Variants in DPP10 observed in about 807,000 individuals in gnomAD.
DPP10 encodes the protein dipeptidyl peptidase like 10.
In DPP10, 33 loss-of-function variants were observed where a neutral mutation model predicts 120.9. That is an observed-to-expected ratio of 0.27 (90% CI 0.21 to 0.37). The LOEUF (loss-of-function observed/expected upper bound fraction) is 0.37, where lower values mean the gene tolerates loss of function less well. Ranked by LOEUF, DPP10 falls within the 10% of genes least tolerant of loss-of-function variation. The probability of loss-of-function intolerance (pLI) is 1.00; values close to 1 mark genes in which losing one functional copy is unlikely to be tolerated. For missense variants in DPP10, 816 were observed against 942.8 expected (o/e 0.87, Z 1.76); for synonymous variants, 337 against 326.1 (o/e 1.03, Z -0.36).
intron 5 of DPP10, among the ~76,000 whole-genome samples, chr2:115,626,876 C>T (rs975848517): frequency 6.6e-6 from 1 of 152,090 alleles, no homozygotes; most frequent in African/African-American, 2.4e-5. Context: ...ATATAATGAA[C>T]AGATATTGAT....
At chr2:114,490,394 A>G (rs1418168614) in intron 1 of DPP10, among the ~76,000 whole-genome samples, 1 of 151,174 alleles carries the variant, frequency 6.6e-6, no homozygotes, top group African/African-American at 2.5e-5. Flanking sequence ...TTTCAGCTCT[A>G]CTCCACTCTA....
At position 115,781,440 on chromosome 2, in the gene DPP10, G is replaced by T. The variant is rs577288621; in HGVS notation, c.1483+445G>T. On this transcript the variant is annotated intron_variant, in intron 16 of 25. Transcript: ENST00000410059. Reference sequence around the variant, plus strand: ...CCCTGCTTCAGAGTTCTTCAGTTCTGATCAATTACATTCACCATTATTACT... The same window carrying T: ...CCCTGCTTCAGAGTTCTTCAGTTCTTATCAATTACATTCACCATTATTACT... Among the ~76,000 whole-genome samples the T allele has an allele frequency of 3.6e-3, 546 of 151,904 alleles. 2 individuals carry two copies. The highest frequency in any genetic ancestry group is 0.013 in the African/African-American group (522 of 41,516).
intron 1 of DPP10, among the ~76,000 whole-genome samples, chr2:114,752,900 A>G (rs906775651): frequency 6.6e-6 from 1 of 152,154 alleles, no homozygotes; most frequent in Non-Finnish European, 1.5e-5. Flanking sequence ...TTGTCAATGG[A>G]TTTCTTAAGG....
chr2:115,591,963 G>T (rs1483129217), intron 5 of DPP10, among the ~76,000 whole-genome samples: 1 of 152,050 alleles, frequency 6.6e-6, no homozygotes, highest in Non-Finnish European at 1.5e-5. Flanking sequence ...CTCTCTGTTT[G>T]TCTGTTATTG....
intron 1 of DPP10, among the ~76,000 whole-genome samples, chr2:114,480,080 A>T (rs2104670332): frequency 6.6e-6 from 1 of 152,338 alleles, no homozygotes; most frequent in East Asian, 1.9e-4. Flanking sequence ...CAAGACATTT[A>T]TGCAGCCAAA....
At chr2:115,329,438 T>G (rs1342526111) in intron 2 of DPP10, among the ~76,000 whole-genome samples, 1 of 152,010 alleles carries the variant, frequency 6.6e-6, no homozygotes, top group Admixed American at 6.6e-5. Context: ...AGTTCTTGCT[T>G]TCTTTATTTT....
chr2:115,326,031 A>T (rs1258687555), intron 2 of DPP10, among the ~76,000 whole-genome samples: 1 of 152,134 alleles, frequency 6.6e-6, no homozygotes, highest in African/African-American at 2.4e-5. Flanking sequence ...ATATTTTAAT[A>T]CTCTGCTACA....
At chr2:115,466,084 T>C (rs1304076416) in intron 3 of DPP10, among the ~76,000 whole-genome samples, 1 of 151,538 alleles carries the variant, frequency 6.6e-6, no homozygotes, top group Non-Finnish European at 1.5e-5. Flanking sequence ...AATGTTTTTA[T>C]CAACATCACC....
At chr2:115,116,153 T>C (rs2049492640) in intron 1 of DPP10, among the ~76,000 whole-genome samples, 1 of 152,178 alleles carries the variant, frequency 6.6e-6, no homozygotes, top group Non-Finnish European at 1.5e-5. Flanking sequence ...TCTCATTTTT[T>C]TTCCCAAAGA....
intron 1 of DPP10, among the ~76,000 whole-genome samples, chr2:114,611,222 C>T (rs1230460851): frequency 1.3e-5 from 2 of 152,064 alleles, no homozygotes; most frequent in African/African-American, 2.4e-5. Context: ...ATTATCTGCT[C>T]ATCCAGGATT....
intron 3 of DPP10, among the ~76,000 whole-genome samples, chr2:115,378,208 T>G (rs1288404719): frequency 6.6e-6 from 1 of 152,142 alleles, no homozygotes; most frequent in Non-Finnish European, 1.5e-5. Flanking sequence ...TTCCATTTGT[T>G]TGTATCCTCT....
At chr2:114,465,284 G>T (rs889568493) in intron 1 of DPP10, among the ~76,000 whole-genome samples, 20 of 152,216 alleles carry the variant, frequency 1.3e-4, no homozygotes, top group Admixed American at 9.8e-4. Flanking sequence ...ACGGAGTGTA[G>T]CACTCAGTAA....
At chr2:114,826,797 G>A (rs1424678639) in intron 1 of DPP10, among the ~76,000 whole-genome samples, 2 of 152,256 alleles carry the variant, frequency 1.3e-5, no homozygotes, top group Admixed American at 1.3e-4. Flanking sequence ...CAAAGTGCTG[G>A]GATTACAGGC....
chr2:115,061,468 C>T (rs1706392116), intron 1 of DPP10, among the ~76,000 whole-genome samples: 1 of 152,148 alleles, frequency 6.6e-6, no homozygotes, highest in Admixed American at 6.5e-5. Flanking sequence ...AAGCAATAAT[C>T]TGTACACAAA....
At chr2:114,997,099 A>G (rs867613710) in intron 1 of DPP10, among the ~76,000 whole-genome samples, 4 of 151,988 alleles carry the variant, frequency 2.6e-5, no homozygotes, top group South Asian at 2.1e-4. Flanking sequence ...TGGGACATTA[A>G]TTTGTGTTAT....
intron 1 of DPP10, among the ~76,000 whole-genome samples, chr2:114,837,399 C>T (rs573284803): frequency 6.6e-5 from 10 of 152,234 alleles, no homozygotes; most frequent in South Asian, 6.2e-4. Context: ...GCTATTCAGA[C>T]GTCCTTCTTG....
chr2:114,516,097 A>C (rs1216565913), intron 1 of DPP10, among the ~76,000 whole-genome samples: 1 of 152,194 alleles, frequency 6.6e-6, no homozygotes, highest in Admixed American at 6.5e-5. Context: ...AGGGAGCCCA[A>C]GAATTTGCAT....
intron 1 of DPP10, among the ~76,000 whole-genome samples, chr2:115,207,416 CAAAAAAAAAAAAAA>C (rs57462947): frequency 1.5e-4 from 8 of 52,302 alleles, no homozygotes; most frequent in East Asian, 5.7e-4. Context: ...CTTACTGCAC[CAAAAAAAAAAAAAA>C]AAAAAAAAAA....
intron 1 of DPP10, among the ~76,000 whole-genome samples, chr2:114,874,741 G>A (rs1691009478): frequency 6.6e-6 from 1 of 152,012 alleles, no homozygotes; most frequent in South Asian, 2.1e-4. Context: ...CCAGTCCCTG[G>A]TGCCAAAAAG....
Sources: allele counts gnomAD v4.1 joint callset (sites outside exome capture counted in the v4.1 genomes callset), GRCh38; gene constraint gnomAD v4.1.1; transcripts MANE v1.5; gene names NCBI Gene and HGNC (gene_info 2026-07-23, HGNC 2026-07-21).